The following ALPL variants were observed in gnomAD, a reference collection of about 807,000 sequenced individuals.
ALPL encodes alkaline phosphatase, biomineralization associated.
Under a neutral mutation model 51.3 loss-of-function variants are expected in ALPL, and 42 were observed. The observed-to-expected ratio is 0.82, with a 90% CI of 0.64 to 1.06. The LOEUF (loss-of-function observed/expected upper bound fraction) is 1.06. Among genes scored for constraint, ALPL ranks in the 50% least tolerant of loss-of-function variants. ALPL has a pLI of 0.00. For missense variants in ALPL, 589 were observed against 709.4 expected, an observed-to-expected ratio of 0.83 and a Z score of 1.93; for synonymous variants, 279 against 296.4, an observed-to-expected ratio of 0.94 and a Z score of 0.60.
intron 9 of ALPL, among the ~76,000 whole-genome samples, chr1:21,575,240 C>T (rs1051702307): frequency 5.9e-5 from 9 of 152,198 alleles, no homozygotes; most frequent in African/African-American, 2.2e-4. Context: ...CAAATCCCAC[C>T]GTGGGCTTCC....
intron 1 of ALPL, among the ~76,000 whole-genome samples, chr1:21,549,480 T>C (rs963669511): frequency 6.6e-6 from 1 of 151,930 alleles, no homozygotes; most frequent in African/African-American, 2.4e-5. Context: ...TTTTTCTTTT[T>C]TTTTTTTTTC....
At chr1:21,547,474 T>A (rs1330090345) in intron 1 of ALPL, among the ~76,000 whole-genome samples, 2 of 152,158 alleles carry the variant, frequency 1.3e-5, no homozygotes, top group Non-Finnish European at 2.9e-5. Flanking sequence ...CTGGGGCTGA[T>A]CCTGGGCCTC....
intron 2 of ALPL, among the ~76,000 whole-genome samples, chr1:21,556,905 C>T (rs557363034): frequency 1.7e-3 from 257 of 152,228 alleles, no homozygotes; most frequent in Middle Eastern, 3.4e-3. Flanking sequence ...CGCCACTGTA[C>T]TTCAGCCTGG....
At chr1:21,573,622 T>C (rs1381301917) in intron 8 of ALPL, 43 bp from the exon 9 acceptor site, 1 of 1,610,182 alleles carries the variant, frequency 6.2e-7, no homozygotes. Flanking sequence ...CCTAGCCGGG[T>C]CACAGCCTCT....
chr1:21,539,023 T>C (rs115562761), intron 1 of ALPL, among the ~76,000 whole-genome samples: 3 of 152,320 alleles, frequency 2.0e-5, no homozygotes, highest in African/African-American at 4.8e-5. Context: ...GTGAATCAAA[T>C]AGCAGCTGCA....
intron 1 of ALPL, among the ~76,000 whole-genome samples, chr1:21,552,471 C>T (rs960531798): frequency 7.7e-6 from 1 of 130,658 alleles, no homozygotes; most frequent in Admixed American, 8.1e-5. Context: ...AAGAACAAAA[C>T]TCCGTCTCAA....
rs1180054224 is a variant in ALPL at position 21,570,260 on chromosome 1, C to G, written c.793-45C>G. 3.1e-6 allele frequency: 5 copies of G among 1,595,400 alleles called. No individual in the cohort carries two copies. In the Admixed American group the frequency reaches 5.0e-5, roughly 16 times the overall value. On this transcript the variant is annotated intron_variant, in intron 7 of 11. Transcript: ENST00000374840. The stretch of plus-strand genomic sequence containing the variant: ...TAGCTGCTGGGGTCAGTCCTTCCGA[C>G]TCTCCCTAGCCCCCGGCATGTGCTG...
chr1:21,570,202 G>A (rs1644625395), intron 7 of ALPL, 103 bp from the exon 8 acceptor site: 1 of 1,182,226 alleles, frequency 8.5e-7, no homozygotes, highest in Non-Finnish European at 1.2e-6. Context: ...TTTTAAGTGA[G>A]GGAAGGAAAC....
rs397861981 is a variant in ALPL at position 21,551,719 on chromosome 1, G to GTTTTTTTTTTT, written c.-104-2243_-104-2233dup. Among the ~76,000 whole-genome samples, 516 of 61,430 alleles carry GTTTTTTTTTTT rather than the reference G, an allele frequency of 8.4e-3. 82 individuals carry two copies. Among genetic ancestry groups the GTTTTTTTTTTT allele is most frequent in the Non-Finnish European group, 0.013 (452 of 33,672 alleles). The allele number at this position is 61,430 out of a possible 152,430, so 40.3% of individuals were successfully genotyped here. On this transcript the variant is annotated intron_variant, in intron 1 of 11. Transcript: ENST00000374840. ...CTGGCACTGGAGCGCAGCTTGCGTG[G>GTTTTTTTTTTT]TTTTTTTTTTTTTTTTTTTTTTTTT...
At chr1:21,528,308 A>C (rs999207884) in intron 1 of ALPL, among the ~76,000 whole-genome samples, 33 of 141,542 alleles carry the variant, frequency 2.3e-4, no homozygotes, top group Admixed American at 6.5e-4. Context: ...GGAGTGACCT[A>C]TTCAGGCATG....
chr1:21,545,759 C>T (rs2148119635), intron 1 of ALPL, among the ~76,000 whole-genome samples: 1 of 152,258 alleles, frequency 6.6e-6, no homozygotes, highest in South Asian at 2.1e-4. Flanking sequence ...CAGGAGGCTG[C>T]CTAATTTGCA....
At chr1:21,542,967 C>T (rs1312652930) in intron 1 of ALPL, among the ~76,000 whole-genome samples, 1 of 152,090 alleles carries the variant, frequency 6.6e-6, no homozygotes, top group Non-Finnish European at 1.5e-5. Flanking sequence ...GCCTGGGCAG[C>T]ATAGTGAGAC....
chr1:21,521,525 C>T (rs1643883205), intron 1 of ALPL, among the ~76,000 whole-genome samples: 1 of 152,218 alleles, frequency 6.6e-6, no homozygotes, highest in Admixed American at 6.5e-5. Context: ...GTTTCCACAG[C>T]TGGCCTGGCT....
chr1:21,574,869 G>C (rs369525658), intron 9 of ALPL: 2 of 152,374 alleles, frequency 1.3e-5, no homozygotes, highest in East Asian at 1.9e-4. Context: ...GGGCCACCGC[G>C]AGGCTCAGAC....
At position 21,578,385 on chromosome 1, in the gene ALPL, T is replaced by A. The variant is rs1644771393; in HGVS notation, c.*737T>A. The A allele has an allele frequency of 6.6e-6, 1 of 152,546 alleles. No homozygotes were observed. Among genetic ancestry groups the A allele is most frequent in the Non-Finnish European group, 1.5e-5 (1 of 68,026 alleles). The allele number at this position is 152,546 out of a possible 1,614,324, so 9.4% of individuals were successfully genotyped here. A position where few individuals can be genotyped will look rare whatever the true frequency, so the allele number is the denominator to read the frequency against. ...TAAAAGGGAACACAAAACATTTAAA[T>A]AAAACTTTCCAAATATTTCCGAGGA... is the stretch of plus-strand genomic sequence containing the variant. On this transcript the variant is annotated 3_prime_UTR_variant, in exon 12 of 12. Coordinates refer to ENST00000374840, the MANE Select transcript of ALPL (RefSeq NM_000478.6). This position sits in a 1 kb window ranked among gnomAD's most constrained non-coding sequence, Gnocchi z 4.2.
chr1:21,547,560 C>T (rs1000281312), intron 1 of ALPL, among the ~76,000 whole-genome samples: 4 of 152,198 alleles, frequency 2.6e-5, no homozygotes, highest in East Asian at 1.9e-4. Context: ...CCCTGCATCC[C>T]GCCAAATTCC....
At chr1:21,555,975 G>A (rs1644408193) in intron 2 of ALPL, among the ~76,000 whole-genome samples, 1 of 151,708 alleles carries the variant, frequency 6.6e-6, no homozygotes, top group South Asian at 2.1e-4. Context: ...GTTTCACCAT[G>A]TTAGCCAGGA....
intron 1 of ALPL, among the ~76,000 whole-genome samples, chr1:21,536,991 G>C (rs1212671518): frequency 6.9e-6 from 1 of 145,668 alleles, no homozygotes; most frequent in Non-Finnish European, 1.5e-5. Flanking sequence ...CCACCTCCCA[G>C]GTTCAAGCGA....
chr1:21,573,591 C>G (rs182911097), intron 8 of ALPL, 74 bp from the exon 9 acceptor site: 43 of 1,584,356 alleles, frequency 2.7e-5, no homozygotes, highest in Non-Finnish European at 3.5e-5. Flanking sequence ...CCCTGAGACA[C>G]CCCAGCTTCC....
Sources: gnomAD v4.1 joint callset for allele counts (sites outside exome capture counted in the v4.1 genomes callset) on GRCh38, gnomAD v4.1.1 for gene constraint, Gnocchi (gnomAD v3.1) non-coding constraint, MANE v1.5 for transcripts, NCBI Gene and HGNC (gene_info 2026-07-23, HGNC 2026-07-21) for gene names.